THSD7B: variants seen among roughly 807,000 people sequenced by gnomAD.
The protein encoded by THSD7B is thrombospondin type-1 domain-containing protein 7B.
A neutral mutation model predicts 213.6 loss-of-function variants in THSD7B; 138 were observed. The observed-to-expected ratio is 0.65, with a 90% confidence interval of 0.56 to 0.74. The LOEUF (loss-of-function observed/expected upper bound fraction) is 0.74, where lower values mean the gene tolerates loss of function less well. Ranked by LOEUF, THSD7B falls within the 30% of genes least tolerant of loss-of-function variation. The probability of loss-of-function intolerance (pLI) is 0.00; values close to 1 mark genes in which losing one functional copy is unlikely to be tolerated. For synonymous variants in THSD7B, 742 were observed against 687.0 expected (o/e 1.08, Z -1.25); for missense variants, 1,931 against 1,991.5 (o/e 0.97, Z 0.58).
At chr2:137,475,969 C>T (rs1688183120) in intron 15 of THSD7B, among the ~76,000 whole-genome samples, 1 of 152,052 alleles carries the variant, frequency 6.6e-6, no homozygotes, top group African/African-American at 2.4e-5. Context: ...TGTGTTTTTA[C>T]AAGCATCTAT....
At chr2:137,503,148 T>C (rs1679749141) in intron 15 of THSD7B, among the ~76,000 whole-genome samples, 1 of 152,208 alleles carries the variant, frequency 6.6e-6, no homozygotes, top group Non-Finnish European at 1.5e-5. Context: ...ACCATTGTTA[T>C]AACTCTGGGA....
intron 13 of THSD7B, among the ~76,000 whole-genome samples, chr2:137,411,365 A>G (rs1224321102): frequency 6.6e-6 from 1 of 152,242 alleles, no homozygotes; most frequent in Admixed American, 6.5e-5. Flanking sequence ...AACATCTTCT[A>G]AATATTTTAT....
At chr2:137,387,397 A>G (rs1558778952) in intron 12 of THSD7B, among the ~76,000 whole-genome samples, 1 of 152,202 alleles carries the variant, frequency 6.6e-6, no homozygotes, top group Non-Finnish European at 1.5e-5. Context: ...TTCAAACAAT[A>G]CCCAATAATG....
chr2:136,933,440 A>T (rs1684667790), intron 2 of THSD7B, among the ~76,000 whole-genome samples: 1 of 152,058 alleles, frequency 6.6e-6, no homozygotes, highest in Non-Finnish European at 1.5e-5. Flanking sequence ...TTAGCTGGGC[A>T]TGGTAGCTGG....
At chr2:137,055,743 A>G (rs1318903776) in intron 2 of THSD7B, among the ~76,000 whole-genome samples, 2 of 152,248 alleles carry the variant, frequency 1.3e-5, no homozygotes. Flanking sequence ...CAGAATTTCC[A>G]CAGACAATTC....
chr2:137,211,012 A>G (rs1352778158), intron 7 of THSD7B, among the ~76,000 whole-genome samples: 1 of 151,986 alleles, frequency 6.6e-6, no homozygotes, highest in Non-Finnish European at 1.5e-5. Flanking sequence ...GATTGCAGGA[A>G]CATTAACTAT....
At chr2:136,795,995 C>T (rs1682054939) in intron 1 of THSD7B, among the ~76,000 whole-genome samples, 1 of 151,864 alleles carries the variant, frequency 6.6e-6, no homozygotes, top group South Asian at 2.1e-4. Context: ...TTGCATATTA[C>T]ATACACACAT....
chr2:137,315,657 A>C (rs1489103204), intron 12 of THSD7B, among the ~76,000 whole-genome samples: 2 of 152,092 alleles, frequency 1.3e-5, no homozygotes, highest in Non-Finnish European at 2.9e-5. Flanking sequence ...AAAAATAACT[A>C]ACTTGATTTT....
In THSD7B at chr2:137,132,320, C is replaced by T. The variant is rs552020888; in HGVS notation, c.1369+17027C>T. Reference sequence around the variant, plus strand: ...TTTTCTAGATATACAATCATGTCGTCTGCAAACAGGGACAATTTGACTTCC... The same window carrying T: ...TTTTCTAGATATACAATCATGTCGTTTGCAAACAGGGACAATTTGACTTCC... On this transcript the variant is annotated intron_variant, in intron 5 of 27. Transcript: ENST00000409968. Among the ~76,000 whole-genome samples, 7 of 151,090 alleles carry T rather than the reference C, an allele frequency of 4.6e-5. No homozygotes were observed. The East Asian group carries it at 1.4e-3, about 30-fold the overall frequency.
intron 12 of THSD7B, among the ~76,000 whole-genome samples, chr2:137,295,403 A>G (rs944221693): frequency 6.6e-6 from 1 of 152,050 alleles, no homozygotes; most frequent in Non-Finnish European, 1.5e-5. Context: ...ACTTTGCTGC[A>G]TATTATGCCT....
chr2:137,278,022 GA>G (rs1682911668), intron 12 of THSD7B, among the ~76,000 whole-genome samples: 1 of 152,100 alleles, frequency 6.6e-6, no homozygotes, highest in Non-Finnish European at 1.5e-5. Flanking sequence ...ACAATAAGCA[GA>G]GGTGGGTGGA....
chr2:137,401,891 G>C (rs1162754781), intron 12 of THSD7B, among the ~76,000 whole-genome samples: 1 of 152,084 alleles, frequency 6.6e-6, no homozygotes, highest in Non-Finnish European at 1.5e-5. Flanking sequence ...CACCATATCT[G>C]AGCTATTGGT....
intron 2 of THSD7B, among the ~76,000 whole-genome samples, chr2:136,928,939 T>TA (rs1236959321): frequency 6.6e-6 from 1 of 152,120 alleles, no homozygotes; most frequent in East Asian, 1.9e-4. Flanking sequence ...ATGAGTGAGC[T>TA]AAAAAATATT....
intron 15 of THSD7B, among the ~76,000 whole-genome samples, chr2:137,561,903 C>A (rs1200313402): frequency 1.3e-5 from 2 of 152,002 alleles, no homozygotes; most frequent in Admixed American, 1.3e-4. Context: ...TCATTTTGTC[C>A]TCACATATTT....
chr2:137,123,127 T>C (rs969589860), intron 5 of THSD7B, among the ~76,000 whole-genome samples: 2 of 152,168 alleles, frequency 1.3e-5, no homozygotes, highest in African/African-American at 4.8e-5. Context: ...CTGTGTGGTT[T>C]AACTGTCCCA....
intron 12 of THSD7B, among the ~76,000 whole-genome samples, chr2:137,295,891 C>T (rs1289703427): frequency 6.6e-6 from 1 of 152,238 alleles, no homozygotes; most frequent in East Asian, 1.9e-4. Flanking sequence ...TATCTTCTGT[C>T]AGATCAGATA....
At chr2:137,429,181 T>C (rs908202928) in intron 14 of THSD7B, among the ~76,000 whole-genome samples, 1 of 152,186 alleles carries the variant, frequency 6.6e-6, no homozygotes, top group Non-Finnish European at 1.5e-5. Context: ...GGGGAGAAAC[T>C]GCCAATGGAT....
At chr2:137,405,563 C>T (rs958092346) in intron 12 of THSD7B, 50 bp from the exon 13 acceptor site, 1 of 1,511,908 alleles carries the variant, frequency 6.6e-7, no homozygotes, top group Non-Finnish European at 8.9e-7. Context: ...GAACCAGCAG[C>T]TGACTGATTT....
chr2:137,218,839 A>G (rs1299908603), intron 7 of THSD7B, among the ~76,000 whole-genome samples: 2 of 152,030 alleles, frequency 1.3e-5, no homozygotes, highest in Non-Finnish European at 2.9e-5. Context: ...TGGTTTTACT[A>G]AAGACTGAAC....
Sources: allele counts gnomAD v4.1 joint callset (sites outside exome capture counted in the v4.1 genomes callset), GRCh38; gene constraint gnomAD v4.1.1; transcripts MANE v1.5; gene names NCBI Gene and HGNC (gene_info 2026-07-23, HGNC 2026-07-21).